STIM1: variants seen among roughly 807,000 people sequenced by gnomAD.
The protein encoded by STIM1 is stromal interaction molecule 1.
A neutral mutation model predicts 74.7 loss-of-function variants in STIM1; 25 were observed. The observed-to-expected ratio is 0.33, with a 90% CI of 0.24 to 0.47. The LOEUF (loss-of-function observed/expected upper bound fraction) is 0.47, where lower values mean the gene tolerates loss of function less well. Among genes scored for constraint, STIM1 ranks in the 20% least tolerant of loss-of-function variants. The pLI, the probability that STIM1 is intolerant of heterozygous loss-of-function variation, is 1.00. For missense variants in STIM1, 728 were observed against 920.8 expected, an observed-to-expected ratio of 0.79 and a Z score of 2.71; for synonymous variants, 328 against 348.8, an observed-to-expected ratio of 0.94 and a Z score of 0.66.
At chr11:3,978,832 T>G (rs55738628) in intron 2 of STIM1, among the ~76,000 whole-genome samples, 8,237 of 151,944 alleles carry the variant, frequency 0.054, 368 homozygotes, top group East Asian at 0.18. Context: ...CCATCCAGAG[T>G]AATGCTAGGT....
At chr11:3,885,378 G>A (rs891344676) in intron 1 of STIM1, among the ~76,000 whole-genome samples, 9 of 151,850 alleles carry the variant, frequency 5.9e-5, no homozygotes, top group Admixed American at 5.9e-4. Context: ...GTAGAGACAG[G>A]GTTTTGCCAT....
intron 1 of STIM1, among the ~76,000 whole-genome samples, chr11:3,917,924 A>AT (rs2092669702): frequency 6.6e-6 from 1 of 152,180 alleles, no homozygotes; most frequent in African/African-American, 2.4e-5. Flanking sequence ...TTGATTTTCA[A>AT]TTTTTTATTC....
chr11:3,877,405 T>C (rs2091339820), intron 1 of STIM1, among the ~76,000 whole-genome samples: 1 of 152,166 alleles, frequency 6.6e-6, no homozygotes, highest in Non-Finnish European at 1.5e-5. Flanking sequence ...TGTAGGTTTG[T>C]TCAGAGGTTG....
At chr11:3,869,204 C>T (rs754522187) in intron 1 of STIM1, among the ~76,000 whole-genome samples, 30 of 152,186 alleles carry the variant, frequency 2.0e-4, no homozygotes, top group Middle Eastern at 3.2e-3. Context: ...CTCCTGACCT[C>T]GTGATCCGCC....
At chr11:3,887,926 C>T (rs10835246) in intron 1 of STIM1, among the ~76,000 whole-genome samples, 38,372 of 148,020 alleles carry the variant, frequency 0.26, 5,647 homozygotes, top group South Asian at 0.41. Context: ...GTGGAGATCG[C>T]ACCACTGCAC....
chr11:4,091,597 C>T lies in STIM1; in HGVS notation c.1950C>T (p.Pro650=). 1 of 1,614,230 alleles carries T rather than the reference C, an allele frequency of 6.2e-7. No homozygotes were observed. Among genetic ancestry groups the T allele is most frequent in the South Asian group, 1.1e-5 (1 of 91,086 alleles). Residue 650 remains proline, a synonymous_variant, in exon 13 of 13, where the codon CCC becomes CCT. Coordinates refer to ENST00000526596, the MANE Select transcript of STIM1 (RefSeq NM_001382567.1). ...TGGATTCTTCCCGTTCTCACAGCCC[C>T]AGCTCCCCAGACCCAGACACACCAT... The part of the protein sequence containing the change: ...PHLDSSRSHS[P]SSPDPDTPSP...
intron 2 of STIM1, among the ~76,000 whole-genome samples, chr11:3,991,973 G>GAA (rs35772913): frequency 1.2e-5 from 1 of 82,142 alleles, no homozygotes; most frequent in African/African-American, 4.0e-5. Context: ...AAAAAAAAAA[G>GAA]AAAAAAAAAA....
intron 2 of STIM1, among the ~76,000 whole-genome samples, chr11:4,021,683 A>T (rs2093957203): frequency 6.6e-6 from 1 of 152,130 alleles, no homozygotes; most frequent in South Asian, 2.1e-4. Context: ...TTGGTTCCAT[A>T]TGAATTTTAG....
In STIM1 at chr11:3,856,415, G is replaced by A. The variant is rs200233935; in HGVS notation, c.139+6G>A. 3.6e-5 allele frequency: 58 copies of A among 1,613,496 alleles called. No homozygotes were observed. The East Asian group carries it at 1.2e-3, about 35-fold the overall frequency. ...TGAGGAGTCCACTGCAGCAGGTAAG[G>A]CCTTGCTGCGGGCTGGACTGGGCTG... On this transcript the variant is annotated splice_donor_region_variant and intron_variant, in intron 1 of 12. Coordinates refer to ENST00000526596, the MANE Select transcript of STIM1 (RefSeq NM_001382567.1).
At chr11:3,965,154 T>C (rs116906180) in intron 1 of STIM1, among the ~76,000 whole-genome samples, 2,298 of 152,360 alleles carry the variant, frequency 0.015, 26 homozygotes, top group Non-Finnish European at 0.025. Context: ...TAAATAAAGT[T>C]TTATTAGAAC....
intron 1 of STIM1, chr11:3,892,887 C>A: frequency 6.6e-7 from 1 of 1,521,052 alleles, no homozygotes; most frequent in Non-Finnish European, 9.1e-7. Flanking sequence ...GGGTTAACCA[C>A]GGCTGATAGT....
intron 1 of STIM1, among the ~76,000 whole-genome samples, chr11:3,936,002 G>T (rs1485210427): frequency 6.6e-6 from 1 of 152,056 alleles, no homozygotes; most frequent in East Asian, 1.9e-4. Flanking sequence ...CTTTTCAAAT[G>T]GACTTTATTG....
chr11:4,014,391 T>G (rs915675223), intron 2 of STIM1, among the ~76,000 whole-genome samples: 5 of 152,206 alleles, frequency 3.3e-5, no homozygotes. Context: ...GAGTTCTAAT[T>G]TGATTGCACT....
At chr11:3,915,499 G>A (rs914392791) in intron 1 of STIM1, among the ~76,000 whole-genome samples, 4 of 151,440 alleles carry the variant, frequency 2.6e-5, no homozygotes, top group South Asian at 2.1e-4. Context: ...CCGGGTTCAC[G>A]CCATTCTCCT....
intron 2 of STIM1, among the ~76,000 whole-genome samples, chr11:3,988,373 T>C (rs1257921191): frequency 6.6e-6 from 1 of 152,186 alleles, no homozygotes; most frequent in Non-Finnish European, 1.5e-5. Context: ...TGAGATTTTA[T>C]TGGTTGAGGA....
intron 2 of STIM1, among the ~76,000 whole-genome samples, chr11:3,995,453 T>C (rs886709387): frequency 6.6e-6 from 1 of 152,152 alleles, no homozygotes; most frequent in African/African-American, 2.4e-5. Flanking sequence ...ATTTGGATGA[T>C]AATGGTTTGG....
At chr11:4,054,179 T>C (rs537260598) in intron 3 of STIM1, among the ~76,000 whole-genome samples, 1 of 152,214 alleles carries the variant, frequency 6.6e-6, no homozygotes, top group Non-Finnish European at 1.5e-5. Context: ...CCCAGTGTGC[T>C]CTATACTAAG....
intron 1 of STIM1, among the ~76,000 whole-genome samples, chr11:3,950,578 G>A (rs867068786): frequency 6.6e-6 from 1 of 152,172 alleles, no homozygotes; most frequent in Non-Finnish European, 1.5e-5. Context: ...AGGTTTTTGT[G>A]TGGGCCTGTG....
intron 12 of STIM1, 91 bp from the exon 13 acceptor site, chr11:4,091,191 T>C: frequency 1.3e-6 from 2 of 1,580,668 alleles, no homozygotes; most frequent in Non-Finnish European, 1.7e-6. Flanking sequence ...TGTCCTTGTC[T>C]TCTCGTGTTG....
Sources: gnomAD v4.1 joint callset for allele counts (sites outside exome capture counted in the v4.1 genomes callset) on GRCh38, gnomAD v4.1.1 for gene constraint, MANE v1.5 for transcripts, NCBI Gene and HGNC (gene_info 2026-07-23, HGNC 2026-07-21) for gene names.